ZNF385B: variants seen among roughly 807,000 people sequenced by gnomAD.
ZNF385B encodes zinc finger protein 533.
A neutral mutation model predicts 39.2 loss-of-function variants in ZNF385B; 23 were observed. The ratio of observed to expected loss-of-function variants is 0.59; its 90% CI spans 0.42 to 0.83. ZNF385B has a LOEUF of 0.83. Ranked by LOEUF, ZNF385B falls within the 40% of genes least tolerant of loss-of-function variation. The pLI is 0.00. For missense variants in ZNF385B, 552 were observed against 598.9 expected, an observed-to-expected ratio of 0.92 and a Z score of 0.82; for synonymous variants, 205 against 222.6, an observed-to-expected ratio of 0.92 and a Z score of 0.70.
chr2:179,798,717 A>G (rs12466855), intron 1 of ZNF385B, among the ~76,000 whole-genome samples: 8,024 of 152,226 alleles, frequency 0.053, 493 homozygotes, highest in South Asian at 0.18. Context: ...CTTGGTAAGT[A>G]TAGTCAAATT....
chr2:179,543,632 C>T (rs1401574543), intron 4 of ZNF385B, among the ~76,000 whole-genome samples: 3 of 152,000 alleles, frequency 2.0e-5, no homozygotes, highest in Admixed American at 6.6e-5. Flanking sequence ...TGAGCCACTC[C>T]ACTGCTCTAG....
At chr2:179,589,154 A>G (rs1687348088) in intron 3 of ZNF385B, among the ~76,000 whole-genome samples, 1 of 152,200 alleles carries the variant, frequency 6.6e-6, no homozygotes, top group Non-Finnish European at 1.5e-5. Flanking sequence ...TAAGGAAGGT[A>G]TGTCAGCTTT....
chr2:179,584,008 T>C (rs1451136727), intron 3 of ZNF385B: 2 of 1,152,730 alleles, frequency 1.7e-6, no homozygotes, highest in Non-Finnish European at 2.4e-6. Flanking sequence ...AACCTGCTAC[T>C]TGTTGTGTAC....
chr2:179,794,245 C>A (rs1007988541), intron 1 of ZNF385B, among the ~76,000 whole-genome samples: 7 of 152,146 alleles, frequency 4.6e-5, no homozygotes, highest in Non-Finnish European at 8.8e-5. Context: ...TGACACCTTA[C>A]CATTATGCCC....
At chr2:179,848,555 T>C (rs1214819679) in intron 1 of ZNF385B, among the ~76,000 whole-genome samples, 4 of 152,246 alleles carry the variant, frequency 2.6e-5, no homozygotes, top group Non-Finnish European at 5.9e-5. Context: ...CATTGCTCAG[T>C]CAAAGCCTTT....
At position 179,598,432 on chromosome 2, in the gene ZNF385B, A is replaced by G. The variant is rs1198283287; in HGVS notation, c.299-53463T>C. 2.6e-5 allele frequency among the ~76,000 whole-genome samples: 4 copies of G among 152,066 alleles called. 1 individual carries two copies. In the South Asian group the frequency reaches 6.2e-4, roughly 24 times the overall value. ...CTCACTACAGATGTTTCCTTGTTCT[A>G]TATCCTCCTCATCATGGCATGGTTC... is the stretch of plus-strand genomic sequence containing the variant. On this transcript the variant is annotated intron_variant, in intron 3 of 9. Transcript: ENST00000410066.
intron 3 of ZNF385B, among the ~76,000 whole-genome samples, chr2:179,705,785 C>T (rs974333894): frequency 1.3e-5 from 2 of 152,196 alleles, no homozygotes; most frequent in African/African-American, 4.8e-5. Flanking sequence ...TTCTGCCATT[C>T]TAGTGCAAAA....
At chr2:179,658,229 CA>C (rs965101765) in intron 3 of ZNF385B, among the ~76,000 whole-genome samples, 1 of 152,182 alleles carries the variant, frequency 6.6e-6, no homozygotes, top group Non-Finnish European at 1.5e-5. Context: ...ACACTTCACA[CA>C]AGCGTAGGTG....
At chr2:179,688,429 T>C (rs1698090429) in intron 3 of ZNF385B, among the ~76,000 whole-genome samples, 1 of 151,814 alleles carries the variant, frequency 6.6e-6, no homozygotes. Flanking sequence ...AGCCCAGAAG[T>C]TCAAGACCAG....
At chr2:179,677,375 TCTTC>T (rs1696978973) in intron 3 of ZNF385B, among the ~76,000 whole-genome samples, 1 of 152,188 alleles carries the variant, frequency 6.6e-6, no homozygotes, top group Non-Finnish European at 1.5e-5. Context: ...CTCTGCAAAG[TCTTC>T]CCAAACAACA....
At chr2:179,668,362 T>C (rs1044704605) in intron 3 of ZNF385B, among the ~76,000 whole-genome samples, 1 of 152,228 alleles carries the variant, frequency 6.6e-6, no homozygotes, top group African/African-American at 2.4e-5. Flanking sequence ...CAGTAGTCTG[T>C]CCTTTTGATT....
At chr2:179,540,468 A>G (rs1349894167) in intron 4 of ZNF385B, among the ~76,000 whole-genome samples, 1 of 151,806 alleles carries the variant, frequency 6.6e-6, no homozygotes, top group Non-Finnish European at 1.5e-5. Context: ...AACAAAACAA[A>G]ACACCAACCA....
At chr2:179,784,568 A>C (rs1007296359) in intron 1 of ZNF385B, among the ~76,000 whole-genome samples, 2 of 152,086 alleles carry the variant, frequency 1.3e-5, no homozygotes, top group African/African-American at 4.8e-5. Flanking sequence ...TTTGCAATAC[A>C]TATATACAAC....
At chr2:179,610,193 A>C (rs920579467) in intron 3 of ZNF385B, among the ~76,000 whole-genome samples, 2 of 152,210 alleles carry the variant, frequency 1.3e-5, no homozygotes, top group East Asian at 1.9e-4. Flanking sequence ...TCATAGGTTA[A>C]GGTCGTAGTC....
chr2:179,596,293 C>G (rs1687994571), intron 3 of ZNF385B, among the ~76,000 whole-genome samples: 2 of 152,138 alleles, frequency 1.3e-5, no homozygotes, highest in East Asian at 3.9e-4. Context: ...AGTCATTCAT[C>G]TTTTTTGAAC....
At chr2:179,857,598 G>C (rs1575607248) in intron 1 of ZNF385B, among the ~76,000 whole-genome samples, 1 of 152,140 alleles carries the variant, frequency 6.6e-6, no homozygotes, top group African/African-American at 2.4e-5. Flanking sequence ...CTTCAGCCTA[G>C]AGAAGTCTCA....
At chr2:179,771,130 G>A (rs887400817) in intron 1 of ZNF385B, among the ~76,000 whole-genome samples, 4 of 151,948 alleles carry the variant, frequency 2.6e-5, no homozygotes, top group African/African-American at 9.7e-5. Context: ...ATGAAGGAAG[G>A]ATCATGGCTT....
At chr2:179,640,270 T>G (rs1286943363) in intron 3 of ZNF385B, among the ~76,000 whole-genome samples, 3 of 152,168 alleles carry the variant, frequency 2.0e-5, no homozygotes, top group African/African-American at 7.2e-5. Flanking sequence ...ATAGTAGTAC[T>G]CTATCACTAC....
At chr2:179,482,074 T>C (rs1298347174) in intron 6 of ZNF385B, among the ~76,000 whole-genome samples, 1 of 152,210 alleles carries the variant, frequency 6.6e-6, no homozygotes, top group African/African-American at 2.4e-5. Context: ...AAGTCTTTAT[T>C]ACCAAATTTA....
Sources: gnomAD v4.1 joint callset for allele counts (sites outside exome capture counted in the v4.1 genomes callset) on GRCh38, gnomAD v4.1.1 for gene constraint, MANE v1.5 for transcripts, NCBI Gene and HGNC (gene_info 2026-07-23, HGNC 2026-07-21) for gene names.